Variants in ATG16L2 observed in about 807,000 individuals in gnomAD.
ATG16L2 encodes the protein protein Atg16l2.
Under a neutral mutation model 84.7 loss-of-function variants are expected in ATG16L2, and 77 were observed. The ratio of observed to expected loss-of-function variants is 0.91; its 90% CI spans 0.76 to 1.10. ATG16L2 has a LOEUF of 1.10. Among genes scored for constraint, ATG16L2 ranks in the 50% least tolerant of loss-of-function variants. The pLI is 0.00. For missense variants in ATG16L2, 782 were observed against 817.6 expected (o/e 0.96, Z 0.53); for synonymous variants, 361 against 342.8 (o/e 1.05, Z -0.59).
chr11:72,840,840 C>T (rs1860903147), intron 5 of ATG16L2: 2 of 1,419,982 alleles, frequency 1.4e-6, no homozygotes, highest in Non-Finnish European at 2.0e-6. Flanking sequence ...TTTGGAAGAA[C>T]TATGCATTCG....
At chr11:72,828,679 CAG>C (rs972966439) in intron 15 of ATG16L2, 48 bp from the exon 16 acceptor site, 9 of 1,610,484 alleles carry the variant, frequency 5.6e-6, no homozygotes, top group African/African-American at 1.3e-5. Flanking sequence ...CTGCAGAGGG[CAG>C]AGACTAGTGA....
downstream of ATG16L2, among the ~76,000 whole-genome samples, chr11:72,833,820 G>T (rs762498494): frequency 5.9e-5 from 9 of 152,014 alleles, no homozygotes; most frequent in Non-Finnish European, 1.0e-4. Context: ...CTACTTGAGA[G>T]GCTGAGGCAG....
intron 1 of ATG16L2, among the ~76,000 whole-genome samples, chr11:72,814,787 C>T (rs995988781): frequency 6.6e-6 from 1 of 152,254 alleles, no homozygotes; most frequent in Non-Finnish European, 1.5e-5. Context: ...CCTCGTCGCC[C>T]CTCAGGACGG....
downstream of ATG16L2, among the ~76,000 whole-genome samples, chr11:72,834,592 T>C (rs1262057011): frequency 2.0e-5 from 3 of 151,978 alleles, no homozygotes; most frequent in African/African-American, 7.2e-5. Flanking sequence ...TTCCTTTTTT[T>C]TTTTTTTGGA....
chr11:72,823,889 T>C, intron 7 of ATG16L2, 171 bp from the exon 8 acceptor site: 3 of 798,714 alleles, frequency 3.8e-6, no homozygotes, highest in South Asian at 1.3e-5. Flanking sequence ...CCGACCTTCC[T>C]GGGACTGATC....
rs762638642 is a variant in ATG16L2 at position 72,828,852 on chromosome 11, C to G, written c.1671-31C>G. 1.9e-6 allele frequency: 3 copies of G among 1,613,914 alleles called. No individual in the cohort carries two copies. In the Admixed American group the frequency reaches 5.0e-5, roughly 27 times the overall value. On this transcript the variant is annotated intron_variant, in intron 16 of 17. Coordinates refer to ENST00000321297, the MANE Select transcript of ATG16L2 (RefSeq NM_033388.2). ...TGTGTGTGCCCTCCCCTCTGACCCC[C>G]CGTTTTCTTGCTCTGCTGTGGCCAC...
chr11:72,834,159 C>T (rs984837216), downstream of ATG16L2, among the ~76,000 whole-genome samples: 1 of 152,068 alleles, frequency 6.6e-6, no homozygotes, highest in African/African-American at 2.4e-5. Context: ...CAATCCTCCC[C>T]CTTCTAACCT....
intron 2 of ATG16L2, 113 bp downstream of exon 2, chr11:72,816,940 C>A: frequency 1.3e-6 from 1 of 753,372 alleles, no homozygotes; most frequent in Non-Finnish European, 2.2e-6. Context: ...TTGGCTGCTG[C>A]CCAGGGGTGG....
chr11:72,821,640 G>A (rs1859998920), intron 3 of ATG16L2, 28 bp from the exon 4 acceptor site: 6 of 1,524,742 alleles, frequency 3.9e-6, no homozygotes, highest in Non-Finnish European at 5.3e-6. Context: ...GGGCCTCAGC[G>A]CCGCCGTGCC....
chr11:72,819,214 C>T (rs1283327254), intron 3 of ATG16L2, among the ~76,000 whole-genome samples: 2 of 152,296 alleles, frequency 1.3e-5, no homozygotes. Flanking sequence ...GCAGGGGCAC[C>T]TCTGACTCTT....
chr11:72,830,856 C>T (rs1194795922), downstream of ATG16L2, among the ~76,000 whole-genome samples: 1 of 152,202 alleles, frequency 6.6e-6, no homozygotes, highest in Non-Finnish European at 1.5e-5. Flanking sequence ...TCTCAAACTC[C>T]TGTGCTCAAG....
chr11:72,841,340 CAAAAAAAAAAAAAA>C lies in ATG16L2; in HGVS notation c.*22-1266_*22-1253del, dbSNP rs59748827. On this transcript the variant is annotated intron_variant, in intron 5 of 5. Coordinates refer to the ATG16L2 transcript ENST00000534905. ...GCCCAGGTGACAGAGACTCTGTCTC[CAAAAAAAAAAAAAA>C]AAAAAAAAAAGCAAATGCAGTTTTT... 6.8e-4 allele frequency: 255 copies of C among 373,870 alleles called. 2 individuals are homozygous for C. The highest frequency in any genetic ancestry group is 3.5e-4 in the Non-Finnish European group (86 of 243,962). The allele number at this position is 373,870 out of a possible 1,614,324, so 23.2% of individuals were successfully genotyped here.
rs367875068 is a variant in ATG16L2 at position 72,828,752 on chromosome 11, C to G, written c.1646C>G (p.Ser549Cys). The change falls in exon 16 of 18, where the codon TCT becomes TGT. Residue 549 changes from serine to cysteine, a missense_variant. Ser to Cys is a moderately radical substitution (Grantham distance 112). Coordinates refer to ENST00000321297, the MANE Select transcript of ATG16L2 (RefSeq NM_033388.2). ...VFRADGFKCG[S>C]DWTKAVFSPD... ...AGGGCCGATGGCTTCAAGTGTGGTT[C>G]TGACTGGACCAAAGCTGTGTTCAGG... is the stretch of plus-strand genomic sequence containing the variant. 84 of 1,614,112 alleles carry G rather than the reference C, an allele frequency of 5.2e-5. No individual in the cohort carries two copies. The highest frequency in any genetic ancestry group is 6.8e-5 in the Non-Finnish European group (80 of 1,180,044).
chr11:72,824,121 GAGTA>G lies in ATG16L2; in HGVS notation c.887+3_887+6del, dbSNP rs767551802. 2.6e-5 allele frequency: 42 copies of G among 1,614,064 alleles called. No individual in the cohort carries two copies. The highest frequency in any genetic ancestry group is 3.3e-5 in the Non-Finnish European group (39 of 1,180,040). On this transcript the variant is annotated splice_donor_variant and splice_donor_region_variant and coding_sequence_variant and intron_variant, in exon 8 of 18. Transcript: ENST00000321297. LOFTEE classifies it high-confidence loss of function. ...TGTGGATGTGGTGAAGGGGCTTCTG[GAGTA>G]AGTGTGTGTGTGCCTGTGTGTGCAC...
chr11:72,816,859 G>T (rs1200022074), intron 2 of ATG16L2, 32 bp downstream of exon 2: 10 of 1,577,548 alleles, frequency 6.3e-6, no homozygotes, highest in Non-Finnish European at 8.7e-6. Context: ...GTCACAAAGG[G>T]CTGCCTGTGC....
rs368549136 is a variant in ATG16L2, at chr11:72,820,993, C to T, written c.319-675C>T. ...AGCCTTGTGTGCCTCTGCGCAGGGCCTCTCGCTGCTGAGACCTGTGCTTGG... is the reference window on the plus strand; with the variant it reads ...AGCCTTGTGTGCCTCTGCGCAGGGCTTCTCGCTGCTGAGACCTGTGCTTGG... On this transcript the variant is annotated intron_variant, in intron 3 of 17. Coordinates refer to ENST00000321297, the MANE Select transcript of ATG16L2 (RefSeq NM_033388.2). Among the ~76,000 whole-genome samples the T allele has an allele frequency of 3.0e-4, 46 of 152,288 alleles. No individual in the cohort carries two copies. The East Asian group carries it at 4.1e-3, about 13-fold the overall frequency.
In ATG16L2 at chr11:72,826,191, A is replaced by G. The variant is rs1860339192; in HGVS notation, c.1121A>G (p.Gln374Arg). The change falls in exon 11 of 18, where the codon CAG becomes CGG. Residue 374 changes from glutamine (Q) to arginine (R), a missense_variant. Gln to Arg is a conservative substitution (Grantham distance 43, BLOSUM62 1). Coordinates refer to ENST00000321297, the MANE Select transcript of ATG16L2 (RefSeq NM_033388.2). ...CTCCCAGGTCGCCTGGAGGCCAACC[A>G]GACCCTGGAGGGAGCTGGTGGCAGC... Reference protein sequence around the residue: ...NVVGSRLEANQTLEGAGGSIT... With the variant: ...NVVGSRLEANRTLEGAGGSIT... 6.2e-7 allele frequency: 1 copy of G among 1,613,724 alleles called. No individual in the cohort carries two copies. The highest frequency in any genetic ancestry group is 1.1e-5 in the South Asian group (1 of 91,040).
chr11:72,829,640 G>T (rs982265991), downstream of ATG16L2: 2 of 1,302,864 alleles, frequency 1.5e-6, no homozygotes, highest in Non-Finnish European at 9.8e-7. Context: ...TCTGAACTGC[G>T]TCTGCCTACC....
chr11:72,835,494 C>T (rs187904831), intron 5 of ATG16L2, among the ~76,000 whole-genome samples: 2 of 152,178 alleles, frequency 1.3e-5, no homozygotes, highest in Admixed American at 6.5e-5. Context: ...TTTATATGGC[C>T]TTCCTGGAAC....
Sources: allele counts gnomAD v4.1 joint callset (sites outside exome capture counted in the v4.1 genomes callset), GRCh38; gene constraint gnomAD v4.1.1; transcripts MANE v1.5; gene names NCBI Gene and HGNC (gene_info 2026-07-23, HGNC 2026-07-21).